The following ZEB2 variants were observed in gnomAD, a reference collection of about 807,000 sequenced individuals.
The protein encoded by ZEB2 is zinc finger E-box-binding homeobox 2.
Under a neutral mutation model 99.9 loss-of-function variants are expected in ZEB2, and 6 were observed. That is an observed-to-expected ratio of 0.06 (90% CI 0.03 to 0.12). ZEB2 has a LOEUF of 0.12. Among genes scored for constraint, ZEB2 ranks in the 10% least tolerant of loss-of-function variants. The probability of loss-of-function intolerance (pLI) is 1.00; values close to 1 mark genes in which losing one functional copy is unlikely to be tolerated. For synonymous variants in ZEB2, 517 were observed against 542.5 expected (o/e 0.95, Z 0.65); for missense variants, 969 against 1,502.8 (o/e 0.64, Z 5.87).
intron 2 of ZEB2, among the ~76,000 whole-genome samples, chr2:144,501,428 T>C (rs2149925497): frequency 6.6e-6 from 1 of 152,328 alleles, no homozygotes; most frequent in East Asian, 1.9e-4. Context: ...CATCTCCTGC[T>C]TTGCTTCTTT....
At chr2:144,513,995 C>G in intron 2 of ZEB2, 1 of 965,490 alleles carries the variant, frequency 1.0e-6, no homozygotes, top group Non-Finnish European at 1.5e-6. Flanking sequence ...ACCCCACTCC[C>G]TCTTTCCTCC....
At chr2:144,504,165 A>G (rs1398342075) in intron 2 of ZEB2, 1 of 151,772 alleles carries the variant, frequency 6.6e-6, no homozygotes, top group African/African-American at 2.4e-5. Flanking sequence ...TCAAGCTTTA[A>G]TAAGTGCTGG....
At chr2:144,501,436 T>G (rs750474861) in intron 2 of ZEB2, among the ~76,000 whole-genome samples, 4 of 152,222 alleles carry the variant, frequency 2.6e-5, no homozygotes, top group Non-Finnish European at 5.9e-5. Context: ...GCTTTGCTTC[T>G]TTTTACACTC....
At chr2:144,416,124 C>T (rs1703536821) in intron 4 of ZEB2, among the ~76,000 whole-genome samples, 1 of 152,212 alleles carries the variant, frequency 6.6e-6, no homozygotes, top group African/African-American at 2.4e-5. Flanking sequence ...TACTTTCTCC[C>T]CTTGCCTATC....
At position 144,387,062 on chromosome 2, in the gene ZEB2, T is replaced by TATACAC. The variant is rs1553960497; in HGVS notation, c.*2388_*2389insGTGTAT. The TATACAC allele has an allele frequency of 4.1e-5, 6 of 146,122 alleles. No individual in the cohort carries two copies. The highest frequency in any genetic ancestry group is 9.0e-5 in the Non-Finnish European group (6 of 66,800). The allele number at this position is 146,122 out of a possible 1,614,324, so 9.1% of individuals were successfully genotyped here. On this transcript the variant is annotated 3_prime_UTR_variant, in exon 10 of 10. Coordinates refer to ENST00000627532, the MANE Select transcript of ZEB2 (RefSeq NM_014795.4). ...GTGTGTGTGTATATATATATATATA[T>TATACAC]ACACACACACACATACACACTTTCT...
At position 144,389,531 on chromosome 2, in the gene ZEB2, A is replaced by G; in HGVS notation, c.3565T>C (p.Ser1189Pro). ...IRDEEETGDHSMDDSSEDGKM... is the reference protein window; with the variant it reads ...IRDEEETGDHPMDDSSEDGKM... ...CCATCCTCCGAACTATCGTCCATGG[A>G]GTGATCTCCAGTCTCTTCTTCATCT... is the stretch of plus-strand genomic sequence containing the variant. Residue 1189 changes from serine (S) to proline (P), a missense_variant, in exon 10 of 10, where the codon TCC (serine) becomes CCC (proline). Physicochemically the swap from Ser to Pro is moderately conservative, Grantham distance 74. This residue lies in a region of ZEB2 where 121 missense variants were observed against 166.4 expected (regional missense o/e 0.73). Transcript: ENST00000627532. The surrounding 1 kb of genome is among the most constrained non-coding windows in gnomAD (Gnocchi z 6.8). 1 of 1,613,944 alleles carries G rather than the reference A, an allele frequency of 6.2e-7. No individual in the cohort carries two copies. Among genetic ancestry groups the G allele is most frequent in the Non-Finnish European group, 8.5e-7 (1 of 1,179,998 alleles).
At chr2:144,424,187 C>G (rs980500210) in intron 4 of ZEB2, among the ~76,000 whole-genome samples, 1 of 152,158 alleles carries the variant, frequency 6.6e-6, no homozygotes, top group Non-Finnish European at 1.5e-5. Flanking sequence ...AAACACCACT[C>G]AGTATCTTCC....
At chr2:144,400,332 A>G in intron 7 of ZEB2, 62 bp from the exon 8 acceptor site, 1 of 1,553,456 alleles carries the variant, frequency 6.4e-7, no homozygotes, top group Non-Finnish European at 8.7e-7. Flanking sequence ...GCAATTGTCT[A>G]CCAAGAGAAG....
At chr2:144,475,565 C>G (rs956500664) in intron 2 of ZEB2, among the ~76,000 whole-genome samples, 9 of 151,850 alleles carry the variant, frequency 5.9e-5, no homozygotes, top group African/African-American at 1.9e-4. Flanking sequence ...GTCAGGACAC[C>G]CATCTGGAAT....
intron 2 of ZEB2, among the ~76,000 whole-genome samples, chr2:144,502,635 G>A (rs748538595): frequency 3.3e-5 from 5 of 152,180 alleles, no homozygotes; most frequent in Non-Finnish European, 7.3e-5. Flanking sequence ...AGTGGAAAGA[G>A]AGGCAGAGGG....
At chr2:144,477,601 G>C (rs1704448180) in intron 2 of ZEB2, among the ~76,000 whole-genome samples, 1 of 152,170 alleles carries the variant, frequency 6.6e-6, no homozygotes, top group African/African-American at 2.4e-5. Context: ...TTGTGTGTGT[G>C]GATAAACTTA....
intron 6 of ZEB2, 103 bp from the exon 7 acceptor site, chr2:144,401,410 G>A (rs1703308457): frequency 9.6e-7 from 1 of 1,039,642 alleles, no homozygotes; most frequent in Non-Finnish European, 1.5e-6. Flanking sequence ...AGGCCAAAAG[G>A]TTTGAGTGCA....
chr2:144,435,306 A>G (rs776372991), intron 2 of ZEB2, among the ~76,000 whole-genome samples: 2 of 152,050 alleles, frequency 1.3e-5, no homozygotes, highest in Non-Finnish European at 2.9e-5. Context: ...TATGACTTCA[A>G]ATTTAAAATA....
intron 2 of ZEB2, among the ~76,000 whole-genome samples, chr2:144,483,937 C>G (rs1704555338): frequency 6.6e-6 from 1 of 152,134 alleles, no homozygotes; most frequent in Non-Finnish European, 1.5e-5. Context: ...ATAGAAACCA[C>G]TATGGATTAA....
intron 2 of ZEB2, chr2:144,497,858 T>TATATATATATATGTCATTCTCAAC (rs1187908553): frequency 7.2e-4 from 1 of 1,382 alleles, no homozygotes; most frequent in East Asian, 0.045. Flanking sequence ...ATTCTCAACA[T>TATATATATATATGTCATTCTCAAC]ATATATATAT....
chr2:144,455,207 C>A (rs914782073), intron 2 of ZEB2: 2 of 152,174 alleles, frequency 1.3e-5, no homozygotes, highest in Admixed American at 6.5e-5. Context: ...CTCTGACTAA[C>A]CTCTGCACTT....
chr2:144,418,128 A>T (rs1039498154), intron 4 of ZEB2, among the ~76,000 whole-genome samples: 5 of 152,198 alleles, frequency 3.3e-5, no homozygotes, highest in Non-Finnish European at 2.9e-5. Flanking sequence ...ATAAAAATGA[A>T]ATCAGATATA....
chr2:144,456,501 G>T, intron 2 of ZEB2, among the ~76,000 whole-genome samples: 1 of 151,840 alleles, frequency 6.6e-6, no homozygotes, highest in African/African-American at 2.4e-5. Flanking sequence ...TACCTTTCTT[G>T]GGCCAGTCCT....
At chr2:144,390,746 T>C (rs1560602621) in intron 9 of ZEB2, 1 of 154,380 alleles carries the variant, frequency 6.5e-6, no homozygotes, top group Non-Finnish European at 1.4e-5. Context: ...TAAAATACTC[T>C]TCAGCTAGGG....
Sources: allele counts gnomAD v4.1 joint callset (sites outside exome capture counted in the v4.1 genomes callset), GRCh38; gene constraint gnomAD v4.1.1; regional missense constraint gnomAD v4.1.1; non-coding constraint Gnocchi (gnomAD v3.1); transcripts MANE v1.5; gene names NCBI Gene and HGNC (gene_info 2026-07-23, HGNC 2026-07-21).